Variants in SERINC5 observed in about 807,000 individuals in gnomAD.
The protein encoded by SERINC5 is serine incorporator 5, also known as chromosome 5 open reading frame 12.
A neutral mutation model predicts 63.1 loss-of-function variants in SERINC5; 41 were observed. The ratio of observed to expected loss-of-function variants is 0.65; its 90% confidence interval spans 0.51 to 0.84. SERINC5 has a LOEUF of 0.84. SERINC5 is among the 40% of genes least tolerant of loss of function. SERINC5 has a pLI of 0.00. For synonymous variants in SERINC5, 222 were observed against 215.2 expected (o/e 1.03, Z -0.28); for missense variants, 523 against 573.0 (o/e 0.91, Z 0.89).
chr5:80,116,432 C>A, intron 11 of SERINC5: 1 of 427,250 alleles, frequency 2.3e-6, no homozygotes, highest in South Asian at 1.7e-5. Context: ...TTATCAGAAA[C>A]TTCAGTCCAT....
Position 80,128,271 on chromosome 5 carries a change from C to G in SERINC5, c.1239-14646G>C, listed in dbSNP as rs543143639. On this transcript the variant is annotated intron_variant, in intron 11 of 12. Coordinates refer to the SERINC5 transcript ENST00000509193. ...GTAAAACATGCAATGAATTTTTCTC[C>G]AGGGAGCCCAGTGCCCTCAGGGTCT... 10 of 152,196 alleles carry G rather than the reference C, an allele frequency of 6.6e-5. No homozygotes were observed. In the East Asian group the frequency reaches 1.9e-3, roughly 29 times the overall value. The allele number at this position is 152,196 out of a possible 1,614,324, so 9.4% of individuals were successfully genotyped here.
chr5:80,132,300 A>AC (rs1421372735), intron 11 of SERINC5, among the ~76,000 whole-genome samples: 3 of 151,874 alleles, frequency 2.0e-5, no homozygotes, highest in Admixed American at 2.0e-4. Flanking sequence ...AAATTCCTAG[A>AC]CCCCCTCCTG....
rs1389310601 is a variant in SERINC5 at position 80,173,276 on chromosome 5, AG to A, written c.551+1677del. Among the ~76,000 whole-genome samples the A allele has an allele frequency of 6.9e-4, 103 of 150,362 alleles. 1 individual carries two copies. Among genetic ancestry groups the A allele is most frequent in the African/African-American group, 2.2e-3 (89 of 40,104 alleles). ...AAGGAAGGAAGGAAGGAAGGAAGGA[AG>A]GAAGAAAATGAAATGAAATGAAATG... On this transcript the variant is annotated intron_variant, in intron 5 of 11. Coordinates refer to ENST00000507668, the MANE Select transcript of SERINC5 (RefSeq NM_001174072.3).
At chr5:80,209,636 T>C (rs1317146161) in intron 1 of SERINC5, among the ~76,000 whole-genome samples, 1 of 152,204 alleles carries the variant, frequency 6.6e-6, no homozygotes, top group Admixed American at 6.5e-5. Flanking sequence ...GGCCTAGATG[T>C]GGGGAAGAAC....
At chr5:80,153,727 C>T (rs1394095735) in intron 8 of SERINC5, among the ~76,000 whole-genome samples, 2 of 151,534 alleles carry the variant, frequency 1.3e-5, no homozygotes, top group East Asian at 1.9e-4. Flanking sequence ...CACACCACAG[C>T]GTGTTTACTG....
At chr5:80,200,618 T>C (rs546293021) in intron 2 of SERINC5, among the ~76,000 whole-genome samples, 1 of 152,310 alleles carries the variant, frequency 6.6e-6, no homozygotes, top group South Asian at 2.1e-4. Context: ...AGCCAATGTT[T>C]CAAGCAGTCA....
intron 4 of SERINC5, among the ~76,000 whole-genome samples, chr5:80,175,886 G>A (rs10057980): frequency 0.81 from 83,563 of 102,664 alleles, 32,371 homozygotes; most frequent in Middle Eastern, 0.87. Flanking sequence ...AAAAAAAAAA[G>A]GACTGAGCTT....
chr5:80,158,956 T>C lies in SERINC5; in HGVS notation c.866A>G (p.Asp289Gly), dbSNP rs1561378529. The C allele has an allele frequency of 1.2e-6, 2 of 1,613,622 alleles. No individual in the cohort carries two copies. The highest frequency in any genetic ancestry group is 2.7e-5 in the African/African-American group (2 of 75,042). The change falls in exon 8 of 12, where the codon GAT becomes GGT. Residue 289 changes from aspartate to glycine, a missense_variant. Transcript: ENST00000507668. ...GATTGTAACATTTTTCCCATGTTCA[T>C]CTAGAACTTGAAAAGAAAAAACAAA... ...LSSKPAEVVL[D>G]EHGKNVTICV...
At chr5:80,238,103 CA>C (rs759062486) in intron 1 of SERINC5, among the ~76,000 whole-genome samples, 870 of 65,654 alleles carry the variant, frequency 0.013, 6 homozygotes, top group African/African-American at 0.038. Flanking sequence ...GACTCTGTCT[CA>C]AAAAAAAAAA....
At chr5:80,175,522 C>T (rs554041882) in intron 4 of SERINC5, among the ~76,000 whole-genome samples, 21 of 152,244 alleles carry the variant, frequency 1.4e-4, no homozygotes, top group African/African-American at 2.4e-4. Flanking sequence ...GCCACAAAGA[C>T]GCTATAACCT....
chr5:80,166,509 T>C, intron 6 of SERINC5, 31 bp from the exon 7 acceptor site: 1 of 1,477,864 alleles, frequency 6.8e-7, no homozygotes, highest in Non-Finnish European at 9.3e-7. Context: ...GACAACAGGT[T>C]TTAATTTGAA....
chr5:80,133,947 C>G (rs1186209595), downstream of SERINC5, among the ~76,000 whole-genome samples: 1 of 152,186 alleles, frequency 6.6e-6, no homozygotes, highest in Non-Finnish European at 1.5e-5. Context: ...GCCACAAGAC[C>G]AGATGAACCA....
Position 80,140,668 on chromosome 5 carries a change from T to C in SERINC5, c.*2995A>G, listed in dbSNP as rs1374712213. The C allele has an allele frequency of 1.2e-5, 12 of 985,032 alleles. No homozygotes were observed. Among genetic ancestry groups the C allele is most frequent in the Non-Finnish European group, 1.4e-5 (12 of 829,846 alleles). The allele number at this position is 985,032 out of a possible 1,614,324, so 61.0% of individuals were successfully genotyped here. A position where few individuals can be genotyped will look rare whatever the true frequency, so the allele number is the denominator to read the frequency against. On this transcript the variant is annotated 3_prime_UTR_variant, in exon 12 of 12. Coordinates refer to ENST00000507668, the MANE Select transcript of SERINC5 (RefSeq NM_001174072.3). ...GGTTTCTGAAGGCTTATAATGGAAATAGTCTCTAGTCTCCAGTCAGGTAAC... is the reference window on the plus strand; with the variant it reads ...GGTTTCTGAAGGCTTATAATGGAAACAGTCTCTAGTCTCCAGTCAGGTAAC...
At chr5:80,239,348 G>A (rs1158706146) in intron 1 of SERINC5, among the ~76,000 whole-genome samples, 1 of 152,062 alleles carries the variant, frequency 6.6e-6, no homozygotes, top group Admixed American at 6.6e-5. Flanking sequence ...AACTATTGGA[G>A]TGTGCTAAAA....
intron 1 of SERINC5, among the ~76,000 whole-genome samples, chr5:80,233,630 T>C (rs1049683089): frequency 6.6e-6 from 1 of 151,734 alleles, no homozygotes; most frequent in African/African-American, 2.4e-5. Flanking sequence ...TTAATTTAAA[T>C]AGGAAGTATC....
chr5:80,134,439 T>C (rs946440753), downstream of SERINC5, among the ~76,000 whole-genome samples: 1 of 152,158 alleles, frequency 6.6e-6, no homozygotes. Context: ...TGAGCCAAGA[T>C]GGGGCCACTG....
At chr5:80,159,663 C>T (rs1365015957) in intron 7 of SERINC5, among the ~76,000 whole-genome samples, 1 of 152,116 alleles carries the variant, frequency 6.6e-6, no homozygotes, top group African/African-American at 2.4e-5. Context: ...TTCAGACCCA[C>T]TCTCCAAACT....
intron 1 of SERINC5, among the ~76,000 whole-genome samples, chr5:80,221,050 A>G (rs1355749683): frequency 6.6e-6 from 1 of 152,186 alleles, no homozygotes; most frequent in East Asian, 1.9e-4. Context: ...GCCTCACTGC[A>G]AGAGCAGAGA....
At position 80,141,903 on chromosome 5, in the gene SERINC5, C is replaced by T; in HGVS notation, c.*1760G>A. 2 of 985,382 alleles carry T rather than the reference C, an allele frequency of 2.0e-6. No homozygotes were observed. Among genetic ancestry groups the T allele is most frequent in the Non-Finnish European group, 2.4e-6 (2 of 829,912 alleles). The allele number at this position is 985,382 out of a possible 1,614,324, so 61.0% of individuals were successfully genotyped here. On this transcript the variant is annotated 3_prime_UTR_variant, in exon 12 of 12. Coordinates refer to ENST00000507668, the MANE Select transcript of SERINC5 (RefSeq NM_001174072.3). ...TCAAACACTCTAAGTAGGGAAAGTTCTAAAGGAATTCATCCCCTGTAATTT... is the reference window on the plus strand; with the variant it reads ...TCAAACACTCTAAGTAGGGAAAGTTTTAAAGGAATTCATCCCCTGTAATTT...
Sources: allele counts gnomAD v4.1 joint callset (sites outside exome capture counted in the v4.1 genomes callset), GRCh38; gene constraint gnomAD v4.1.1; transcripts MANE v1.5; gene names NCBI Gene and HGNC (gene_info 2026-07-23, HGNC 2026-07-21).